The following MCOLN1 variants were observed in gnomAD, a reference collection of about 807,000 sequenced individuals.
The protein encoded by MCOLN1 is mucolipin TRP cation channel 1.
Under a neutral mutation model 70.3 loss-of-function variants are expected in MCOLN1, and 50 were observed. The observed-to-expected ratio is 0.71, with a 90% CI of 0.57 to 0.90. The LOEUF (loss-of-function observed/expected upper bound fraction) is 0.90. Ranked by LOEUF, MCOLN1 falls within the 40% of genes least tolerant of loss-of-function variation. MCOLN1 has a pLI of 0.00. For synonymous variants in MCOLN1, 366 were observed against 341.0 expected, an observed-to-expected ratio of 1.07 and a Z score of -0.81; for missense variants, 598 against 803.5, an observed-to-expected ratio of 0.74 and a Z score of 3.09.
rs779296060 is a variant in MCOLN1, at chr19:7,526,624, G to A, written c.405+18G>A. 1.9e-6 allele frequency: 3 copies of A among 1,608,978 alleles called. No homozygotes were observed. Among genetic ancestry groups the A allele is most frequent in the Non-Finnish European group, 2.5e-6 (3 of 1,179,370 alleles). On this transcript the variant is annotated intron_variant, in intron 3 of 13. Coordinates refer to ENST00000264079, the MANE Select transcript of MCOLN1 (RefSeq NM_020533.3). The surrounding 1 kb of genome is among the most constrained non-coding windows in gnomAD (Gnocchi z 4.6). ...TGGACCAGGTGCTGGTGGGCGGGCAGGTGCTGGTGGGCAGGCAGGTGCAGG... is the reference window on the plus strand; with the variant it reads ...TGGACCAGGTGCTGGTGGGCGGGCAAGTGCTGGTGGGCAGGCAGGTGCAGG...
intron 12 of MCOLN1, among the ~76,000 whole-genome samples, chr19:7,531,241 C>T (rs1313350540): frequency 1.3e-5 from 2 of 151,818 alleles, no homozygotes; most frequent in Non-Finnish European, 2.9e-5. Context: ...TACCCTGTGG[C>T]CCAGGCTGGA....
In MCOLN1 at chr19:7,528,544, C is replaced by T; in HGVS notation, c.878-53C>T. 6.2e-7 allele frequency: 1 copy of T among 1,610,438 alleles called. No homozygotes were observed. On this transcript the variant is annotated intron_variant, in intron 7 of 13. Coordinates refer to ENST00000264079, the MANE Select transcript of MCOLN1 (RefSeq NM_020533.3). This position sits in a 1 kb window ranked among gnomAD's most constrained non-coding sequence, Gnocchi z 4.2. The stretch of plus-strand genomic sequence containing the variant: ...CAGCCTGGCCTGGCACCAATGCTAG[C>T]CTCCCAAGGCTCCATGCCATCCTTG...
In MCOLN1 at chr19:7,533,814, G is replaced by T. The variant is rs915073523; in HGVS notation, c.*19G>T. 1.2e-6 allele frequency: 2 copies of T among 1,613,962 alleles called. No homozygotes were observed. Among genetic ancestry groups the T allele is most frequent in the Admixed American group, 1.7e-5 (1 of 60,002 alleles). On this transcript the variant is annotated 3_prime_UTR_variant, in exon 14 of 14. Transcript: ENST00000264079. Reference sequence around the variant, plus strand: ...GAATTGATTCGACCTGACTGCCGTTGGACCGTAGGCCCTGGACTGCAGAGA... The same window carrying T: ...GAATTGATTCGACCTGACTGCCGTTTGACCGTAGGCCCTGGACTGCAGAGA...
chr19:7,529,508 C>CCCCCCCCCCCCCCCACA, intron 10 of MCOLN1, 82 bp from the exon 11 acceptor site: 1 of 777,990 alleles, frequency 1.3e-6, no homozygotes, highest in Non-Finnish European at 2.2e-6. Context: ...AAGGCCCCGC[C>CCCCCCCCCCCCCCCACA]CCTCCCACCC....
chr19:7,524,515 G>C lies in MCOLN1; in HGVS notation c.32-446G>C, dbSNP rs1378425387. The stretch of plus-strand genomic sequence containing the variant: ...TGGGATAAGCCCAGCAGGCTTGAAC[G>C]CCCAGTGAAAAGCCAGTGGGAGCAG... On this transcript the variant is annotated intron_variant, in intron 1 of 13. Transcript: ENST00000264079. The surrounding 1 kb of genome is among the most constrained non-coding windows in gnomAD (Gnocchi z 4.1). Among the ~76,000 whole-genome samples the C allele has an allele frequency of 6.6e-6, 1 of 152,112 alleles. No individual in the cohort carries two copies. The highest frequency in any genetic ancestry group is 6.6e-5 in the Admixed American group (1 of 15,262).
Position 7,526,260 on chromosome 19 carries a change from A to G in MCOLN1, c.238-179A>G, listed in dbSNP as rs1247570025. 4.0e-6 allele frequency: 3 copies of G among 748,038 alleles called. No homozygotes were observed. Among genetic ancestry groups the G allele is most frequent in the Non-Finnish European group, 7.0e-6 (3 of 430,738 alleles). 46.3% of individuals were successfully genotyped at this position (748,038 alleles called of 1,614,324 possible). On this transcript the variant is annotated intron_variant, in intron 2 of 13. Coordinates refer to ENST00000264079, the MANE Select transcript of MCOLN1 (RefSeq NM_020533.3). This position sits in a 1 kb window ranked among gnomAD's most constrained non-coding sequence, Gnocchi z 4.6. The stretch of plus-strand genomic sequence containing the variant: ...TATGCCAGGAGGTGGGGTGAAATTA[A>G]TCAAAGCAAAGAAATGCACAAGTGA...
Position 7,525,489 on chromosome 19 carries a change from T to C in MCOLN1, c.237+323T>C. 3 of 217,842 alleles carry C rather than the reference T, an allele frequency of 1.4e-5. No homozygotes were observed. The highest frequency in any genetic ancestry group is 1.1e-4 in the East Asian group (1 of 8,978). The allele number at this position is 217,842 out of a possible 1,614,324, so 13.5% of individuals were successfully genotyped here. ...GCCTGGGCAACAGAGCAAGACTGTC[T>C]CAAAAAAAAAAAGAAGCCGACTCTG... On this transcript the variant is annotated intron_variant, in intron 2 of 13. Coordinates refer to ENST00000264079, the MANE Select transcript of MCOLN1 (RefSeq NM_020533.3). This position sits in a 1 kb window ranked among gnomAD's most constrained non-coding sequence, Gnocchi z 4.2.
At position 7,527,160 on chromosome 19, in the gene MCOLN1, T is replaced by C. The variant is rs1038631371; in HGVS notation, c.571+234T>C. On this transcript the variant is annotated intron_variant, in intron 4 of 13. Coordinates refer to ENST00000264079, the MANE Select transcript of MCOLN1 (RefSeq NM_020533.3). ...GGTGGCGTGCCCCTGTGGTCCCAGC[T>C]ACTCAGGAGGCTGAGGCAGGAGGAT... 20 of 609,848 alleles carry C rather than the reference T, an allele frequency of 3.3e-5. No individual in the cohort carries two copies. In the African/African-American group the frequency reaches 3.3e-4, roughly 10 times the overall value. The allele number at this position is 609,848 out of a possible 1,614,324, so 37.8% of individuals were successfully genotyped here. A position where few individuals can be genotyped will look rare whatever the true frequency, so the allele number is the denominator to read the frequency against.
chr19:7,530,479 C>CCGGCG lies in MCOLN1; in HGVS notation c.1555_1559dup (p.Tyr521AlafsTer61). On this transcript the variant is annotated frameshift_variant, in exon 12 of 14. Transcript: ENST00000264079. LOFTEE classifies it high-confidence loss of function. ...CTCAGCCTCTTCATCGCGCTCATCA[C>CCGGCG]CGGCGCCTACGACACCATCAAGGTC... is the stretch of plus-strand genomic sequence containing the variant. The CCGGCG allele has an allele frequency of 6.2e-7, 1 of 1,610,780 alleles. No individual in the cohort carries two copies. The highest frequency in any genetic ancestry group is 8.5e-7 in the Non-Finnish European group (1 of 1,180,012).
chr19:7,527,771 G>A, intron 5 of MCOLN1, 93 bp from the exon 6 acceptor site: 1 of 1,191,774 alleles, frequency 8.4e-7, no homozygotes, highest in Non-Finnish European at 1.3e-6. Context: ...TCCCCTGCCA[G>A]CTGCAGAGTC....
intron 5 of MCOLN1, 82 bp downstream of exon 5, chr19:7,527,710 A>G: frequency 9.0e-7 from 1 of 1,105,888 alleles, no homozygotes; most frequent in Admixed American, 1.7e-5. Context: ...TACTTCCCTA[A>G]GGTGGGGACA....
At position 7,527,546 on chromosome 19, in the gene MCOLN1, C is replaced by G; in HGVS notation, c.598C>G (p.Arg200Gly). 6.3e-7 allele frequency: 1 copy of G among 1,591,438 alleles called. No individual in the cohort carries two copies. The highest frequency in any genetic ancestry group is 8.6e-7 in the Non-Finnish European group (1 of 1,159,186). ...TDCIQVDPPE[R>G]PPPPPSDDLT... ...CTGCATCCAGGTGGATCCCCCCGAGCGGCCCCCTCCGCCCCCCAGCGACGA... is the reference window on the plus strand; with the variant it reads ...CTGCATCCAGGTGGATCCCCCCGAGGGGCCCCCTCCGCCCCCCAGCGACGA... The change falls in exon 5 of 14, where the codon CGG becomes GGG. Residue 200 changes from arginine to glycine, a missense_variant. Transcript: ENST00000264079.
chr19:7,530,568 T>C (rs1461536871), intron 12 of MCOLN1, 67 bp downstream of exon 12: 2 of 1,390,338 alleles, frequency 1.4e-6, no homozygotes, highest in East Asian at 2.3e-5. Context: ...TGAGGGGGTC[T>C]TGGGGACACC....
At chr19:7,527,078 C>T (rs2022582364) in intron 4 of MCOLN1, 152 bp downstream of exon 4, 2 of 959,734 alleles carry the variant, frequency 2.1e-6, no homozygotes, top group Admixed American at 2.0e-5. Flanking sequence ...AGTTTGAGAC[C>T]AGCCTGGGCC....
rs370056836 is a variant in MCOLN1 at position 7,522,718 on chromosome 19, G to T, written c.-33G>T. On this transcript the variant is annotated 5_prime_UTR_variant, in exon 1 of 14. Transcript: ENST00000264079. ...GCGATCGGACCCAGGCTGCCCCGCC[G>T]TACCCGCCTGCGTCCCGCGCTCCCG... 7 of 1,451,426 alleles carry T rather than the reference G, an allele frequency of 4.8e-6. No individual in the cohort carries two copies. The highest frequency in any genetic ancestry group is 4.8e-4 in the Middle Eastern group (2 of 4,152). 89.9% of individuals were successfully genotyped at this position (1,451,426 alleles called of 1,614,324 possible). A position where few individuals can be genotyped will look rare whatever the true frequency, so the allele number is the denominator to read the frequency against.
chr19:7,522,763 GC>G lies in MCOLN1; in HGVS notation c.14del (p.Ala5GlyfsTer12). 7.1e-7 allele frequency: 1 copy of G among 1,410,402 alleles called. No individual in the cohort carries two copies. The allele number at this position is 1,410,402 out of a possible 1,614,324, so 87.4% of individuals were successfully genotyped here. A position where few individuals can be genotyped will look rare whatever the true frequency, so the allele number is the denominator to read the frequency against. On this transcript the variant is annotated frameshift_variant, in exon 1 of 14. Coordinates refer to ENST00000264079, the MANE Select transcript of MCOLN1 (RefSeq NM_020533.3). LOFTEE classifies it high-confidence loss of function. MTAP[A>X]GPRGSETERL... The stretch of plus-strand genomic sequence containing the variant: ...CTCCCGCCCCAGCATGACAGCCCCG[GC>G]GGGTCCGCGCGGCTCAGGTGAGGGC...
At chr19:7,531,178 G>A (rs1021802119) in intron 12 of MCOLN1, among the ~76,000 whole-genome samples, 10 of 151,502 alleles carry the variant, frequency 6.6e-5, no homozygotes, top group Non-Finnish European at 1.3e-4. Flanking sequence ...GATTACAGGC[G>A]TAAGCCACCA....
chr19:7,524,986 C>T lies in MCOLN1; in HGVS notation c.57C>T (p.Asn19=), dbSNP rs765306710. 6.2e-7 allele frequency: 1 copy of T among 1,613,880 alleles called. No homozygotes were observed. Among genetic ancestry groups the T allele is most frequent in the Admixed American group, 1.7e-5 (1 of 60,018 alleles). Reference sequence around the variant, plus strand: ...AGACCGAGCGGCTTCTGACCCCCAACCCCGGGTATGGGACCCAGGCGGGGC... The same window carrying T: ...AGACCGAGCGGCTTCTGACCCCCAATCCCGGGTATGGGACCCAGGCGGGGC... The part of the protein sequence containing the change: ...GSETERLLTP[N]PGYGTQAGPS... Residue 19 remains asparagine (N), a synonymous_variant, in exon 2 of 14, where the codon AAC becomes AAT. Coordinates refer to ENST00000264079, the MANE Select transcript of MCOLN1 (RefSeq NM_020533.3). This position sits in a 1 kb window ranked among gnomAD's most constrained non-coding sequence, Gnocchi z 4.1.
At chr19:7,529,516 C>CCCCCCAAAGGGGGG in intron 10 of MCOLN1, 74 bp from the exon 11 acceptor site, 1 of 1,276,786 alleles carries the variant, frequency 7.8e-7, no homozygotes, top group Non-Finnish European at 1.1e-6. Context: ...GCCCCTCCCA[C>CCCCCCAAAGGGGGG]CCCCATCTGG....
Sources: allele counts gnomAD v4.1 joint callset (sites outside exome capture counted in the v4.1 genomes callset), GRCh38; gene constraint gnomAD v4.1.1; non-coding constraint Gnocchi (gnomAD v3.1); transcripts MANE v1.5; gene names NCBI Gene and HGNC (gene_info 2026-07-23, HGNC 2026-07-21).